Variants in PDE1C observed in about 807,000 individuals in gnomAD.
The protein encoded by PDE1C is phosphodiesterase 1C, also known as dual specificity calcium/calmodulin-dependent 3',5'-cyclic nucleotide phosphodiesterase 1C.
Under a neutral mutation model 93.1 loss-of-function variants are expected in PDE1C, and 62 were observed. The ratio of observed to expected loss-of-function variants is 0.67; its 90% confidence interval spans 0.54 to 0.82. PDE1C has a LOEUF of 0.82. Ranked by LOEUF, PDE1C falls within the 40% of genes least tolerant of loss-of-function variation. PDE1C has a pLI of 0.00. For missense variants in PDE1C, 742 were observed against 884.6 expected (o/e 0.84, Z 2.04); for synonymous variants, 325 against 310.1 (o/e 1.05, Z -0.50).
chr7:32,098,420 A>C (rs1474887357), intron 3 of PDE1C, among the ~76,000 whole-genome samples: 1 of 152,040 alleles, frequency 6.6e-6, no homozygotes. Flanking sequence ...TTTGTCCTTC[A>C]TTAAAAATAA....
At chr7:31,642,981 C>T in the PDE1C span, 1 of 1,613,938 alleles carries the variant, frequency 6.2e-7, no homozygotes, top group African/African-American at 1.3e-5. Flanking sequence ...CAAGGAAAGA[C>T]AGCCATCTGT....
At chr7:32,341,536 G>A (rs1783757115) in intron 1 of PDE1C, among the ~76,000 whole-genome samples, 1 of 152,122 alleles carries the variant, frequency 6.6e-6, no homozygotes, top group Non-Finnish European at 1.5e-5. Context: ...GGGCAACCTG[G>A]AGAGAAAGAG....
At chr7:32,139,081 T>C (rs1380066039) in intron 3 of PDE1C, among the ~76,000 whole-genome samples, 1 of 152,200 alleles carries the variant, frequency 6.6e-6, no homozygotes, top group African/African-American at 2.4e-5. Flanking sequence ...AGAGTTGATA[T>C]GCCAGAAACT....
chr7:32,408,223 AC>A (rs1394101825), intron 1 of PDE1C, among the ~76,000 whole-genome samples: 9 of 152,328 alleles, frequency 5.9e-5, no homozygotes, highest in Admixed American at 3.9e-4. Flanking sequence ...ACTGTGACCT[AC>A]CTGCTCCATC....
chr7:32,150,489 G>A (rs1458734264), intron 3 of PDE1C, among the ~76,000 whole-genome samples: 1 of 152,156 alleles, frequency 6.6e-6, no homozygotes, highest in Non-Finnish European at 1.5e-5. Flanking sequence ...GATCTTCCAA[G>A]ATGACAGAAT....
intron 3 of PDE1C, among the ~76,000 whole-genome samples, chr7:32,108,837 G>A (rs1798489747): frequency 6.6e-6 from 1 of 152,206 alleles, no homozygotes; most frequent in African/African-American, 2.4e-5. Context: ...GCCAGAGCAT[G>A]GAGATTGTAA....
At chr7:32,427,816 ACT>A (rs1785566693) in intron 1 of PDE1C, 1 of 152,032 alleles carries the variant, frequency 6.6e-6, no homozygotes, top group Admixed American at 6.5e-5. Context: ...AGGTAAGGAA[ACT>A]CACCCGCTGC....
chr7:32,174,012 T>C (rs1802822021), intron 2 of PDE1C, among the ~76,000 whole-genome samples: 1 of 152,198 alleles, frequency 6.6e-6, no homozygotes, highest in Non-Finnish European at 1.5e-5. Context: ...AACAGATTCC[T>C]CAAACCCCTG....
chr7:32,367,875 C>CA (rs1174838344), intron 1 of PDE1C, among the ~76,000 whole-genome samples: 1 of 151,538 alleles, frequency 6.6e-6, no homozygotes, highest in Non-Finnish European at 1.5e-5. Flanking sequence ...CCCAGGAGGT[C>CA]AAGACTATAG....
chr7:32,250,452 A>G (rs1219200398), intron 1 of PDE1C, among the ~76,000 whole-genome samples: 1 of 152,190 alleles, frequency 6.6e-6, no homozygotes, highest in Admixed American at 6.5e-5. Context: ...TCTCAGACCA[A>G]TTGAATCAGA....
At chr7:31,628,343 A>G in the PDE1C span, among the ~76,000 whole-genome samples, 2 of 152,194 alleles carry the variant, frequency 1.3e-5, no homozygotes, top group South Asian at 4.1e-4. Flanking sequence ...AGAATAGCCA[A>G]CAAACGACTG....
At chr7:32,315,955 A>G (rs551282184) in intron 1 of PDE1C, among the ~76,000 whole-genome samples, 1 of 152,238 alleles carries the variant, frequency 6.6e-6, no homozygotes, top group Non-Finnish European at 1.5e-5. Context: ...AGATCGTGCC[A>G]TTGCACTCCA....
At chr7:31,814,056 A>G (rs1787900867) in intron 15 of PDE1C, among the ~76,000 whole-genome samples, 1 of 150,402 alleles carries the variant, frequency 6.6e-6, no homozygotes, top group Admixed American at 6.6e-5. Flanking sequence ...ATATATGTAC[A>G]CACACGCACG....
the PDE1C span, chr7:31,692,306 A>C: frequency 7.4e-6 from 5 of 671,894 alleles, no homozygotes; most frequent in African/African-American, 9.1e-5. Flanking sequence ...TGGATTGGGA[A>C]CACAATAGCA....
chr7:31,727,043 GA>G, the PDE1C span, among the ~76,000 whole-genome samples: 64 of 148,186 alleles, frequency 4.3e-4, 1 homozygote, highest in Admixed American at 2.1e-3. Context: ...TCTCAAAAAA[GA>G]AAAAAAAAAT....
chr7:31,682,466 T>C, the PDE1C span, among the ~76,000 whole-genome samples: 1 of 152,136 alleles, frequency 6.6e-6, no homozygotes, highest in African/African-American at 2.4e-5. Context: ...CAAAAAATAG[T>C]AACAACATCA....
At chr7:31,681,227 C>T in the PDE1C span, among the ~76,000 whole-genome samples, 1 of 151,042 alleles carries the variant, frequency 6.6e-6, no homozygotes, top group Non-Finnish European at 1.5e-5. Context: ...CTGTACTTGG[C>T]CATCTTCCCT....
intron 1 of PDE1C, among the ~76,000 whole-genome samples, chr7:32,370,637 TG>T (rs1369177888): frequency 7.7e-6 from 1 of 129,822 alleles, no homozygotes; most frequent in Admixed American, 8.1e-5. Flanking sequence ...GGGCCTGTCA[TG>T]GGGTGGGGGG....
At chr7:32,400,446 G>T (rs1000382501) in intron 1 of PDE1C, among the ~76,000 whole-genome samples, 4 of 152,166 alleles carry the variant, frequency 2.6e-5, no homozygotes, top group Admixed American at 6.5e-5. Context: ...GGGAGTCTGT[G>T]GTCAGACGGA....
Sources: gnomAD v4.1 joint callset for allele counts (sites outside exome capture counted in the v4.1 genomes callset) on GRCh38, gnomAD v4.1.1 for gene constraint, MANE v1.5 for transcripts, NCBI Gene and HGNC (gene_info 2026-07-23, HGNC 2026-07-21) for gene names.